The following ZFAND3 variants were observed in gnomAD, a reference collection of about 807,000 sequenced individuals.
ZFAND3 encodes zinc finger AN1-type containing 3.
Under a neutral mutation model 29.6 loss-of-function variants are expected in ZFAND3, and 10 were observed. The ratio of observed to expected loss-of-function variants is 0.34; its 90% CI spans 0.21 to 0.57. The LOEUF is 0.57. Ranked by LOEUF, ZFAND3 falls within the 20% of genes least tolerant of loss-of-function variation. The pLI is 0.86. For synonymous variants in ZFAND3, 128 were observed against 112.6 expected (o/e 1.14, Z -0.87); for missense variants, 230 against 304.5 (o/e 0.76, Z 1.82).
chr6:38,016,935 C>T (rs1763262184), intron 2 of ZFAND3, among the ~76,000 whole-genome samples: 1 of 152,234 alleles, frequency 6.6e-6, no homozygotes, highest in South Asian at 2.1e-4. Flanking sequence ...TACTATGTGT[C>T]AGAAAGAGAA....
intron 2 of ZFAND3, among the ~76,000 whole-genome samples, chr6:38,049,962 T>TTATTTTTTA (rs1561980824): frequency 1.3e-3 from 14 of 10,446 alleles, no homozygotes; most frequent in African/African-American, 2.4e-3. Context: ...TTTTTTTTTT[T>TTATTTTTTA]TTTTTTGGGG....
At chr6:38,037,261 G>T (rs978534821) in intron 2 of ZFAND3, among the ~76,000 whole-genome samples, 1 of 152,172 alleles carries the variant, frequency 6.6e-6, no homozygotes, top group Non-Finnish European at 1.5e-5. Context: ...AATATTTTTA[G>T]TGTTATTTGA....
intron 2 of ZFAND3, chr6:38,003,876 C>T (rs1762995991): frequency 2.4e-6 from 1 of 413,604 alleles, no homozygotes; most frequent in Non-Finnish European, 4.8e-6. Context: ...TCAATCACTG[C>T]TTATTACTGT....
intron 2 of ZFAND3, among the ~76,000 whole-genome samples, chr6:37,952,555 C>T (rs188658318): frequency 1.3e-5 from 2 of 151,860 alleles, no homozygotes; most frequent in Admixed American, 1.3e-4. Flanking sequence ...GTCGTAATAT[C>T]CTCTTGTCAT....
chr6:37,995,898 A>G (rs1043556950), intron 2 of ZFAND3, among the ~76,000 whole-genome samples: 4 of 152,086 alleles, frequency 2.6e-5, no homozygotes, highest in Non-Finnish European at 1.5e-5. Context: ...AGGCCGAGGC[A>G]GGTGTATCAC....
At chr6:37,950,996 G>A (rs559257238) in intron 2 of ZFAND3, among the ~76,000 whole-genome samples, 4 of 152,118 alleles carry the variant, frequency 2.6e-5, no homozygotes, top group African/African-American at 7.2e-5. Context: ...CTTCCTATCC[G>A]TGAGCATGGA....
At chr6:38,152,183 A>C in intron 5 of ZFAND3, 52 bp from the exon 6 acceptor site, 1 of 1,451,452 alleles carries the variant, frequency 6.9e-7, no homozygotes, top group Non-Finnish European at 9.1e-7. Context: ...GGCTCTGCGC[A>C]CTTGGAGGCC....
intron 2 of ZFAND3, among the ~76,000 whole-genome samples, chr6:37,962,489 A>T (rs1320595769): frequency 6.6e-6 from 1 of 152,236 alleles, no homozygotes. Flanking sequence ...AGTACATGTG[A>T]GAGGTGAAGC....
At chr6:37,987,356 A>C (rs1282428671) in intron 2 of ZFAND3, among the ~76,000 whole-genome samples, 3 of 152,232 alleles carry the variant, frequency 2.0e-5, no homozygotes, top group African/African-American at 7.2e-5. Flanking sequence ...CATTTCTTTC[A>C]ATTGGTGAGT....
intron 2 of ZFAND3, among the ~76,000 whole-genome samples, chr6:38,015,397 C>A (rs573614984): frequency 1.3e-5 from 2 of 152,282 alleles, no homozygotes; most frequent in African/African-American, 4.8e-5. Context: ...CCTTCATGAA[C>A]AGTTTGGCAA....
At chr6:37,980,817 A>C (rs973834477) in intron 2 of ZFAND3, among the ~76,000 whole-genome samples, 2 of 152,294 alleles carry the variant, frequency 1.3e-5, no homozygotes, top group South Asian at 4.1e-4. Flanking sequence ...ATTAATGTTG[A>C]CGTTCTATTA....
chr6:38,030,075 T>G (rs1241820717), intron 2 of ZFAND3, among the ~76,000 whole-genome samples: 3 of 52,778 alleles, frequency 5.7e-5, no homozygotes, highest in African/African-American at 1.6e-4. Flanking sequence ...TATATATATA[T>G]ATATATATAT....
At chr6:38,053,502 G>A (rs1764070821) in intron 2 of ZFAND3, among the ~76,000 whole-genome samples, 1 of 151,966 alleles carries the variant, frequency 6.6e-6, no homozygotes, top group Non-Finnish European at 1.5e-5. Flanking sequence ...TGGCCATCAT[G>A]GTGAAACCCT....
At chr6:38,105,216 A>G (rs1298436350) in intron 4 of ZFAND3, among the ~76,000 whole-genome samples, 1 of 152,178 alleles carries the variant, frequency 6.6e-6, no homozygotes, top group Admixed American at 6.5e-5. Context: ...CTTTTGTCAT[A>G]TCCACCTTCC....
At position 37,859,490 on chromosome 6, in the gene ZFAND3, G is replaced by T. The variant is rs62398418; in HGVS notation, c.71+39474G>T. Among the ~76,000 whole-genome samples, 1,294 of 152,252 alleles carry T rather than the reference G, an allele frequency of 8.5e-3. 10 individuals are homozygous for T. The highest frequency in any genetic ancestry group is 0.01 in the Non-Finnish European group (691 of 68,026). On this transcript the variant is annotated intron_variant, in intron 1 of 5. Transcript: ENST00000287218. ...CAGAGACTTTGTTGCTCTTTAAATAGTATATTGTATGTTACAAAATACATA... is the reference window on the plus strand; with the variant it reads ...CAGAGACTTTGTTGCTCTTTAAATATTATATTGTATGTTACAAAATACATA...
At chr6:37,928,545 G>C (rs1761531192) in intron 1 of ZFAND3, among the ~76,000 whole-genome samples, 1 of 152,162 alleles carries the variant, frequency 6.6e-6, no homozygotes, top group South Asian at 2.1e-4. Context: ...TTTGGAGACA[G>C]AGTCTTGCTC....
chr6:38,031,664 A>G (rs568547712), intron 2 of ZFAND3, among the ~76,000 whole-genome samples: 3 of 152,280 alleles, frequency 2.0e-5, no homozygotes, highest in East Asian at 1.9e-4. Context: ...AGCTTCTCCA[A>G]TTGTAAATGA....
intron 1 of ZFAND3, among the ~76,000 whole-genome samples, chr6:37,850,728 T>C (rs1313093407): frequency 2.0e-5 from 3 of 152,144 alleles, no homozygotes; most frequent in Non-Finnish European, 1.5e-5. Context: ...TAATGACATG[T>C]TTTTCAGAAC....
chr6:37,889,298 C>T (rs866075996), intron 1 of ZFAND3, among the ~76,000 whole-genome samples: 4 of 152,146 alleles, frequency 2.6e-5, no homozygotes, highest in Admixed American at 6.5e-5. Context: ...TGCCAACTTC[C>T]GACTCCCAGA....
Sources: allele counts gnomAD v4.1 joint callset (sites outside exome capture counted in the v4.1 genomes callset), GRCh38; gene constraint gnomAD v4.1.1; transcripts MANE v1.5; gene names NCBI Gene and HGNC (gene_info 2026-07-23, HGNC 2026-07-21).